NAT10: variants seen among roughly 807,000 people sequenced by gnomAD.
NAT10 encodes the protein RNA cytidine acetyltransferase.
Under a neutral mutation model 132.2 loss-of-function variants are expected in NAT10, and 109 were observed. That is an observed-to-expected ratio of 0.82 (90% CI 0.71 to 0.97). The LOEUF is 0.97. NAT10 is among the 50% of genes least tolerant of loss of function. The pLI is 0.00. For missense variants in NAT10, 1,184 were observed against 1,263.4 expected (o/e 0.94, Z 0.95); for synonymous variants, 479 against 478.0 (o/e 1.00, Z -0.03).
At chr11:34,136,306 T>G (rs1847274123) in intron 19 of NAT10, among the ~76,000 whole-genome samples, 1 of 152,082 alleles carries the variant, frequency 6.6e-6, no homozygotes, top group Non-Finnish European at 1.5e-5. Context: ...GGTCTCAAAC[T>G]CCTGACCTCA....
chr11:34,118,099 A>C (rs1851815758), intron 6 of NAT10, 81 bp from the exon 7 acceptor site: 1 of 1,189,248 alleles, frequency 8.4e-7, no homozygotes, highest in Non-Finnish European at 1.2e-6. Flanking sequence ...GGGCCAGTTA[A>C]TTTTTTTGAA....
At chr11:34,139,832 A>T (rs1852288381) in intron 23 of NAT10, among the ~76,000 whole-genome samples, 1 of 152,226 alleles carries the variant, frequency 6.6e-6, no homozygotes, top group Non-Finnish European at 1.5e-5. Context: ...AATTGTAATA[A>T]GAATATGCTG....
rs1048857609 is a variant in NAT10, at chr11:34,112,096, A to C, written c.245A>C (p.Asn82Thr). The C allele has an allele frequency of 1.2e-6, 2 of 1,614,194 alleles. No homozygotes were observed. Among genetic ancestry groups the C allele is most frequent in the Admixed American group, 3.3e-5 (2 of 60,032 alleles). The part of the protein sequence containing the change: ...RMRQLQKKIK[N>T]GTLNIKQDDP... ...CGACAGCTGCAGAAGAAAATAAAGAATGGAACACTGAACATAAAGCAGGAC... is the reference window on the plus strand; with the variant it reads ...CGACAGCTGCAGAAGAAAATAAAGACTGGAACACTGAACATAAAGCAGGAC... Residue 82 changes from asparagine (N) to threonine (T), a missense_variant, in exon 4 of 29, where the codon AAT becomes ACT. By Grantham distance (65) the Asn-to-Thr change is moderately conservative. Coordinates refer to ENST00000257829, the MANE Select transcript of NAT10 (RefSeq NM_024662.3).
chr11:34,145,400 A>G (rs1019216307), intron 28 of NAT10, among the ~76,000 whole-genome samples: 16 of 152,172 alleles, frequency 1.1e-4, no homozygotes, highest in African/African-American at 3.4e-4. Flanking sequence ...TATGATGTTA[A>G]TGGTCTCTGG....
rs1852274669 is a variant in NAT10, at chr11:34,139,178, CTG to C, written c.2212-9_2212-8del. ...GGGGTTCTTGGTGCCAGTTAAACCT[CTG>C]TGTTGCCCAGAATGACCTGACCGGA... On this transcript the variant is annotated splice_polypyrimidine_tract_variant and intron_variant, in intron 21 of 28. Coordinates refer to ENST00000257829, the MANE Select transcript of NAT10 (RefSeq NM_024662.3). The C allele has an allele frequency of 2.5e-6, 4 of 1,611,862 alleles. No individual in the cohort carries two copies. The highest frequency in any genetic ancestry group is 1.3e-5 in the African/African-American group (1 of 74,998).
intron 11 of NAT10, among the ~76,000 whole-genome samples, chr11:34,125,870 A>G (rs529864086): frequency 2.6e-5 from 4 of 152,204 alleles, no homozygotes; most frequent in Non-Finnish European, 5.9e-5. Context: ...AGGCCGAGGC[A>G]GGAGAATTGG....
Position 34,112,096 on chromosome 11 carries a change from A to G in NAT10, c.245A>G (p.Asn82Ser), listed in dbSNP as rs1048857609. Reference protein sequence around the residue: ...RMRQLQKKIKNGTLNIKQDDP... With the variant: ...RMRQLQKKIKSGTLNIKQDDP... ...CGACAGCTGCAGAAGAAAATAAAGA[A>G]TGGAACACTGAACATAAAGCAGGAC... Residue 82 changes from asparagine (N) to serine (S), a missense_variant, in exon 4 of 29, where the codon AAT becomes AGT. By Grantham distance (46) the Asn-to-Ser change is conservative. Coordinates refer to ENST00000257829, the MANE Select transcript of NAT10 (RefSeq NM_024662.3). 3 of 1,614,076 alleles carry G rather than the reference A, an allele frequency of 1.9e-6. No homozygotes were observed. The African/African-American group carries it at 4.0e-5, about 22-fold the overall frequency.
In NAT10 at chr11:34,123,936, G is replaced by A. The variant is rs555122381; in HGVS notation, c.1008+81G>A. 163 of 1,065,596 alleles carry A rather than the reference G, an allele frequency of 1.5e-4. 1 individual carries two copies. The African/African-American group carries it at 2.2e-3, about 14-fold the overall frequency. The allele number at this position is 1,065,596 out of a possible 1,614,324, so 66.0% of individuals were successfully genotyped here. A position where few individuals can be genotyped will look rare whatever the true frequency, so the allele number is the denominator to read the frequency against. ...TGTAATCCCAGCACTTTGGGAGGCC[G>A]ACGCGGGCGGATCACCTGAGGTCGG... On this transcript the variant is annotated intron_variant, in intron 10 of 28. Coordinates refer to ENST00000257829, the MANE Select transcript of NAT10 (RefSeq NM_024662.3).
intron 8 of NAT10, among the ~76,000 whole-genome samples, chr11:34,119,402 C>A (rs1851845309): frequency 6.6e-6 from 1 of 152,264 alleles, no homozygotes; most frequent in Non-Finnish European, 1.5e-5. Context: ...CTTCCCTTTT[C>A]ATTCTGGAAA....
chr11:34,141,690 T>C (rs1852334463), intron 25 of NAT10, 29 bp from the exon 26 acceptor site: 2 of 1,607,132 alleles, frequency 1.2e-6, no homozygotes, highest in African/African-American at 1.3e-5. Flanking sequence ...TCCTTCATCT[T>C]CTGCTTCTCT....
At chr11:34,120,872 A>G (rs1269636682) in intron 8 of NAT10, among the ~76,000 whole-genome samples, 1 of 152,176 alleles carries the variant, frequency 6.6e-6, no homozygotes, top group Non-Finnish European at 1.5e-5. Flanking sequence ...GGCCTCATGT[A>G]GGAGGTGATT....
intron 19 of NAT10, 30 bp from the exon 20 acceptor site, chr11:34,136,612 G>A: frequency 1.9e-6 from 3 of 1,613,988 alleles, no homozygotes; most frequent in Non-Finnish European, 2.5e-6. Context: ...CTGCTGAATG[G>A]ACTGTGTTCT....
At chr11:34,141,657 A>G (rs1852333872) in intron 25 of NAT10, 62 bp from the exon 26 acceptor site, 1 of 1,464,836 alleles carries the variant, frequency 6.8e-7, no homozygotes, top group East Asian at 2.3e-5. Flanking sequence ...TGTCTGGGTC[A>G]CGGGTGACTG....
chr11:34,135,497 C>G (rs1852192508), intron 19 of NAT10, among the ~76,000 whole-genome samples: 1 of 152,164 alleles, frequency 6.6e-6, no homozygotes, highest in South Asian at 2.1e-4. Context: ...AATTCTTGAG[C>G]CCCACTCCAG....
At chr11:34,138,656 TTGG>T (rs1463893542) in intron 21 of NAT10, among the ~76,000 whole-genome samples, 7 of 152,172 alleles carry the variant, frequency 4.6e-5, no homozygotes, top group African/African-American at 7.2e-5. Context: ...CATTTGTGAC[TTGG>T]TGGTGTTTTT....
In NAT10 at chr11:34,115,814, CTTTG is replaced by C. The variant is rs1565108223; in HGVS notation, c.496-6_496-3del. 5 of 1,613,694 alleles carry C rather than the reference CTTTG, an allele frequency of 3.1e-6. No homozygotes were observed. The highest frequency in any genetic ancestry group is 3.4e-6 in the Non-Finnish European group (4 of 1,179,836). ...GCCTTTGTTAATGGATGTTGTCTTT[CTTTG>C]TTAGGATGTGCATTCCAGGTACAGA... On this transcript the variant is annotated splice_polypyrimidine_tract_variant and splice_region_variant and intron_variant, in intron 5 of 28. Transcript: ENST00000257829.
intron 1 of NAT10, chr11:34,107,279 C>T (rs1590757065): frequency 6.6e-6 from 1 of 152,128 alleles, no homozygotes; most frequent in Non-Finnish European, 1.5e-5. Flanking sequence ...AAGTGCTGGG[C>T]TTACAGGCAT....
rs78574770 is a variant in NAT10 at position 34,112,040 on chromosome 11, G to A, written c.201-12G>A. On this transcript the variant is annotated splice_polypyrimidine_tract_variant and intron_variant, in intron 3 of 28. Transcript: ENST00000257829. ...AACTGGCTCTCATGGGATTGGGGGTGTGTGATTGCAGTCACCGGAAGAAAA... is the reference window on the plus strand; with the variant it reads ...AACTGGCTCTCATGGGATTGGGGGTATGTGATTGCAGTCACCGGAAGAAAA... 141,509 of 1,613,286 alleles carry A rather than the reference G, an allele frequency of 0.088. 6,832 individuals are homozygous for A. Among genetic ancestry groups the A allele is most frequent in the African/African-American group, 0.15 (11,483 of 74,952 alleles).
chr11:34,137,082 A>G (rs542915769), intron 21 of NAT10, 56 bp downstream of exon 21: 13 of 1,597,162 alleles, frequency 8.1e-6, no homozygotes, highest in Non-Finnish European at 1.1e-5. Flanking sequence ...GGTAGGTGAC[A>G]GGCCTGTCCT....
Sources: gnomAD v4.1 joint callset for allele counts (sites outside exome capture counted in the v4.1 genomes callset) on GRCh38, gnomAD v4.1.1 for gene constraint, MANE v1.5 for transcripts, NCBI Gene and HGNC (gene_info 2026-07-23, HGNC 2026-07-21) for gene names.